The following RPGRIP1L variants were observed in gnomAD, a reference collection of about 807,000 sequenced individuals.
The protein encoded by RPGRIP1L is RPGRIP1 like, also known as protein fantom.
A neutral mutation model predicts 160.4 loss-of-function variants in RPGRIP1L; 131 were observed. That is an observed-to-expected ratio of 0.82 (90% CI 0.71 to 0.94). The LOEUF is 0.94. Among genes scored for constraint, RPGRIP1L ranks in the 40% least tolerant of loss-of-function variants. The pLI, the probability that RPGRIP1L is intolerant of heterozygous loss-of-function variation, is 0.00. For missense variants in RPGRIP1L, 1,522 were observed against 1,535.8 expected, an observed-to-expected ratio of 0.99 and a Z score of 0.15; for synonymous variants, 510 against 515.8, an observed-to-expected ratio of 0.99 and a Z score of 0.15.
In RPGRIP1L at chr16:53,700,641, T is replaced by C; in HGVS notation, c.83A>G (p.Gln28Arg). 1 of 1,610,772 alleles carries C rather than the reference T, an allele frequency of 6.2e-7. No individual in the cohort carries two copies. Among genetic ancestry groups the C allele is most frequent in the Non-Finnish European group, 8.5e-7 (1 of 1,177,504 alleles). Residue 28 changes from glutamine (Q) to arginine (R), a missense_variant and splice_region_variant, in exon 2 of 27, where the codon CAA becomes CGA. Gln to Arg is a conservative substitution (Grantham distance 43). Coordinates refer to ENST00000647211, the MANE Select transcript of RPGRIP1L (RefSeq NM_015272.5). ...TAATAAATAACAGCTGGCCATACCT[T>C]GTAACCCTCCCATTCCAAAGAGGTT... The part of the protein sequence containing the change: ...GLNLFGMGGL[Q>R]ETSTTRTMKS...
intron 13 of RPGRIP1L, among the ~76,000 whole-genome samples, chr16:53,657,039 G>C (rs758080039): frequency 6.6e-6 from 1 of 152,102 alleles, no homozygotes; most frequent in Non-Finnish European, 1.5e-5. Context: ...GTCAGAGTTA[G>C]AGACCAGTCT....
chr16:53,618,926 G>T, intron 24 of RPGRIP1L, 99 bp downstream of exon 24: 1 of 970,602 alleles, frequency 1.0e-6, no homozygotes. Flanking sequence ...GAATTTATGT[G>T]AATATTAGAG....
Position 53,653,047 on chromosome 16 carries a change from T to C in RPGRIP1L, c.1700-60A>G, listed in dbSNP as rs186659872. 6 of 1,441,742 alleles carry C rather than the reference T, an allele frequency of 4.2e-6. No individual in the cohort carries two copies. In the African/African-American group the frequency reaches 8.4e-5, roughly 20 times the overall value. The allele number at this position is 1,441,742 out of a possible 1,614,324, so 89.3% of individuals were successfully genotyped here. A position where few individuals can be genotyped will look rare whatever the true frequency, so the allele number is the denominator to read the frequency against. ...AATATTGACATGAGAAAATGAAAAC[T>C]GGCTTTTGAAGTGTAAGAATGAGTA... On this transcript the variant is annotated intron_variant, in intron 14 of 26. Coordinates refer to ENST00000647211, the MANE Select transcript of RPGRIP1L (RefSeq NM_015272.5).
At chr16:53,614,764 A>G (rs1224326812) in intron 24 of RPGRIP1L, among the ~76,000 whole-genome samples, 1 of 152,208 alleles carries the variant, frequency 6.6e-6, no homozygotes, top group Non-Finnish European at 1.5e-5. Context: ...AAGTTAAGGT[A>G]TTTACCTTTC....
Position 53,637,801 on chromosome 16 carries a change from C to A in RPGRIP1L, c.3114G>T (p.Gln1038His). 6.2e-7 allele frequency: 1 copy of A among 1,613,280 alleles called. No homozygotes were observed. ...DEVKENTEKMQQGKDDVSLLS... is the reference protein window; with the variant it reads ...DEVKENTEKMHQGKDDVSLLS... ...GTAAAGACACATCATCTTTTCCTTG[C>A]TGCATTTTCTCAGTATTCTCTTTTA... Residue 1038 changes from glutamine to histidine, a missense_variant, in exon 21 of 27, where the codon CAG (glutamine) becomes CAT (histidine). Coordinates refer to ENST00000647211, the MANE Select transcript of RPGRIP1L (RefSeq NM_015272.5).
At position 53,649,082 on chromosome 16, in the gene RPGRIP1L, A is replaced by C; in HGVS notation, c.2186T>G (p.Val729Gly). The C allele has an allele frequency of 6.2e-7, 1 of 1,614,082 alleles. No individual in the cohort carries two copies. The highest frequency in any genetic ancestry group is 8.5e-7 in the Non-Finnish European group (1 of 1,179,966). The change falls in exon 16 of 27, where the codon GTG (valine) becomes GGG (glycine). Residue 729 changes from valine (V) to glycine (G), a missense_variant. Physicochemically the swap from Val to Gly is moderately radical, Grantham distance 109 (BLOSUM62 -3). Transcript: ENST00000647211. ...TKGDIPNFGT[V>G]EYWFRLRVPM... ...AACTCTTAATCGGAACCAGTATTCC[A>C]CTGTGCCAAAATTTGGGATGTCTCC...
At chr16:53,623,339 G>A (rs939638415) in intron 22 of RPGRIP1L, among the ~76,000 whole-genome samples, 10 of 152,184 alleles carry the variant, frequency 6.6e-5, no homozygotes, top group Non-Finnish European at 1.2e-4. Context: ...TGCTCATTGC[G>A]TTATGTAGTA....
chr16:53,633,100 C>G (rs138167506), intron 22 of RPGRIP1L, among the ~76,000 whole-genome samples: 1 of 152,190 alleles, frequency 6.6e-6, no homozygotes, highest in East Asian at 1.9e-4. Flanking sequence ...AACAGGCATT[C>G]AGTAATACAT....
rs894926282 is a variant in RPGRIP1L at position 53,688,090 on chromosome 16, A to G, written c.530-125T>C. ...TATTAAGAGGTATGTGTTTTATAGT[A>G]CACAGAATTATAAATACACTGCCAA... is the stretch of plus-strand genomic sequence containing the variant. On this transcript the variant is annotated intron_variant, in intron 4 of 26. Coordinates refer to ENST00000647211, the MANE Select transcript of RPGRIP1L (RefSeq NM_015272.5). 4.6e-6 allele frequency: 3 copies of G among 651,860 alleles called. No homozygotes were observed. The African/African-American group carries it at 5.5e-5, about 12-fold the overall frequency. 40.4% of individuals were successfully genotyped at this position (651,860 alleles called of 1,614,324 possible).
At chr16:53,657,123 T>A (rs1036463778) in intron 13 of RPGRIP1L, among the ~76,000 whole-genome samples, 1 of 151,800 alleles carries the variant, frequency 6.6e-6, no homozygotes, top group Admixed American at 6.6e-5. Flanking sequence ...ACCTGTAATC[T>A]CAGCTACTTG....
chr16:53,647,910 C>T (rs1295676888), intron 16 of RPGRIP1L, among the ~76,000 whole-genome samples: 1 of 151,918 alleles, frequency 6.6e-6, no homozygotes, highest in Non-Finnish European at 1.5e-5. Flanking sequence ...TCAAGACCAT[C>T]CTGCCTAACA....
At chr16:53,617,311 A>T (rs1964448202) in intron 24 of RPGRIP1L, among the ~76,000 whole-genome samples, 1 of 152,120 alleles carries the variant, frequency 6.6e-6, no homozygotes, top group African/African-American at 2.4e-5. Context: ...CCAACCAAAT[A>T]TTCTACTCCT....
chr16:53,623,957 T>C (rs893653203), intron 22 of RPGRIP1L, among the ~76,000 whole-genome samples: 2 of 152,210 alleles, frequency 1.3e-5, no homozygotes, highest in Admixed American at 1.3e-4. Flanking sequence ...AGTGGCAAGA[T>C]GACAACTCAC....
intron 4 of RPGRIP1L, among the ~76,000 whole-genome samples, chr16:53,691,180 T>C (rs1876549699): frequency 6.6e-6 from 1 of 152,196 alleles, no homozygotes; most frequent in East Asian, 1.9e-4. Context: ...CCTAAAAATG[T>C]TTGGTCTTTA....
chr16:53,648,657 CAA>C (rs61381820), intron 16 of RPGRIP1L, among the ~76,000 whole-genome samples: 27 of 151,626 alleles, frequency 1.8e-4, no homozygotes, highest in African/African-American at 6.5e-4. Context: ...CACACACACA[CAA>C]AAGTGCATGT....
At chr16:53,617,093 A>AAAAAAAAAAAAAAAAAAAAAAAAAC (rs1598235312) in intron 24 of RPGRIP1L, among the ~76,000 whole-genome samples, 1 of 148,094 alleles carries the variant, frequency 6.8e-6, no homozygotes, top group African/African-American at 2.5e-5. Flanking sequence ...AAAAAAAAAA[A>AAAAAAAAAAAAAAAAAAAAAAAAAC]AAAAAAGCAC....
intron 10 of RPGRIP1L, among the ~76,000 whole-genome samples, chr16:53,662,850 A>G (rs1052253569): frequency 1.3e-5 from 2 of 152,074 alleles, no homozygotes; most frequent in Admixed American, 1.3e-4. Flanking sequence ...TAAATGTGTA[A>G]AAATTTGTGT....
chr16:53,617,134 G>A (rs1484905015), intron 24 of RPGRIP1L, among the ~76,000 whole-genome samples: 1 of 127,984 alleles, frequency 7.8e-6, no homozygotes, highest in East Asian at 2.4e-4. Flanking sequence ...CAGACCTAGA[G>A]GTAACCATGT....
At chr16:53,659,423 C>T (rs973102343) in intron 10 of RPGRIP1L, 1 of 156,570 alleles carries the variant, frequency 6.4e-6, no homozygotes, top group African/African-American at 2.4e-5. Flanking sequence ...AAAGGCCAGA[C>T]TTCATCACTA....
Sources: gnomAD v4.1 joint callset for allele counts (sites outside exome capture counted in the v4.1 genomes callset) on GRCh38, gnomAD v4.1.1 for gene constraint, MANE v1.5 for transcripts, NCBI Gene and HGNC (gene_info 2026-07-23, HGNC 2026-07-21) for gene names.